Variants in GABRG3 observed in about 807,000 individuals in gnomAD.
The protein encoded by GABRG3 is gamma-aminobutyric acid type A receptor subunit gamma3.
In GABRG3, 25 loss-of-function variants were observed where a neutral mutation model predicts 48.8. That is an observed-to-expected ratio of 0.51 (90% CI 0.37 to 0.72). The LOEUF (loss-of-function observed/expected upper bound fraction) is 0.72. GABRG3 is among the 30% of genes least tolerant of loss of function. The pLI is 0.00. For missense variants in GABRG3, 394 were observed against 577.9 expected, an observed-to-expected ratio of 0.68 and a Z score of 3.26; for synonymous variants, 227 against 217.6, an observed-to-expected ratio of 1.04 and a Z score of -0.38.
At chr15:27,337,972 C>T (rs1439744719) in intron 5 of GABRG3, among the ~76,000 whole-genome samples, 3 of 152,168 alleles carry the variant, frequency 2.0e-5, no homozygotes, top group East Asian at 1.9e-4. Context: ...AGTGCAACGC[C>T]GTCTCTGAAT....
intron 3 of GABRG3, among the ~76,000 whole-genome samples, chr15:27,163,712 T>C (rs74004711): frequency 0.1 from 15,849 of 152,164 alleles, 1,552 homozygotes; most frequent in African/African-American, 0.26. Context: ...CTCTCTCTAA[T>C]TCTCCAGCCT....
chr15:27,081,856 G>T (rs1896998263), intron 3 of GABRG3, among the ~76,000 whole-genome samples: 1 of 152,230 alleles, frequency 6.6e-6, no homozygotes, highest in Non-Finnish European at 1.5e-5. Flanking sequence ...CAATAGAAAG[G>T]AGGCTCTTGG....
chr15:27,289,436 A>G (rs1277242714), intron 3 of GABRG3, among the ~76,000 whole-genome samples: 1 of 152,210 alleles, frequency 6.6e-6, no homozygotes, highest in African/African-American at 2.4e-5. Context: ...AAGTTGCCCT[A>G]TAATGAATGT....
chr15:27,198,493 A>G (rs1189903209), intron 3 of GABRG3, among the ~76,000 whole-genome samples: 1 of 152,246 alleles, frequency 6.6e-6, no homozygotes, highest in Non-Finnish European at 1.5e-5. Flanking sequence ...ATGTCAGGAA[A>G]TAATAGATGC....
chr15:27,087,719 G>A (rs1897102172), intron 3 of GABRG3, among the ~76,000 whole-genome samples: 1 of 151,948 alleles, frequency 6.6e-6, no homozygotes, highest in Non-Finnish European at 1.5e-5. Context: ...GTATGTGTGT[G>A]GTATGTACAT....
At chr15:27,008,976 AG>A (rs1237889662) in intron 2 of GABRG3, among the ~76,000 whole-genome samples, 1 of 152,096 alleles carries the variant, frequency 6.6e-6, no homozygotes, top group African/African-American at 2.4e-5. Context: ...GAAGAGAGGT[AG>A]GGGTGGGACG....
chr15:27,281,067 G>A (rs1891417488), intron 3 of GABRG3, among the ~76,000 whole-genome samples: 1 of 152,056 alleles, frequency 6.6e-6, no homozygotes, highest in Admixed American at 6.6e-5. Context: ...TTATTCTTAG[G>A]TAATGTTCCT....
chr15:27,343,691 T>TGAG (rs1894267854), intron 5 of GABRG3, among the ~76,000 whole-genome samples: 1 of 152,236 alleles, frequency 6.6e-6, no homozygotes, highest in Non-Finnish European at 1.5e-5. Flanking sequence ...AGCTCATTAA[T>TGAG]GAGGACATGT....
intron 3 of GABRG3, among the ~76,000 whole-genome samples, chr15:27,183,828 A>G (rs961140165): frequency 1.3e-4 from 20 of 152,168 alleles, no homozygotes; most frequent in African/African-American, 4.6e-4. Flanking sequence ...TGTGTTTTAA[A>G]TGCATATGTT....
chr15:27,006,018 T>C (rs139077004), intron 2 of GABRG3, among the ~76,000 whole-genome samples: 6 of 152,354 alleles, frequency 3.9e-5, no homozygotes, highest in Admixed American at 2.6e-4. Context: ...TTGAATGTAA[T>C]GAATAAGAGA....
chr15:27,367,323 C>G (rs947392628), intron 5 of GABRG3, among the ~76,000 whole-genome samples: 1 of 152,160 alleles, frequency 6.6e-6, no homozygotes, highest in Admixed American at 6.5e-5. Flanking sequence ...GGCCAACACA[C>G]CTCTTGACCT....
At chr15:27,303,180 TC>T (rs1171387325) in intron 3 of GABRG3, among the ~76,000 whole-genome samples, 1 of 150,786 alleles carries the variant, frequency 6.6e-6, no homozygotes, top group Non-Finnish European at 1.5e-5. Flanking sequence ...TGAAATCAAA[TC>T]TAATTCTGTG....
chr15:27,340,987 G>A (rs73365231), intron 5 of GABRG3: 18,230 of 511,408 alleles, frequency 0.036, 780 homozygotes, highest in South Asian at 0.097. Context: ...GTTTTGGAGG[G>A]AAAGAAGGGC....
intron 5 of GABRG3, chr15:27,366,005 A>G (rs1189349158): frequency 6.6e-6 from 1 of 152,196 alleles, no homozygotes; most frequent in Admixed American, 6.5e-5. Flanking sequence ...GTTCCCCTTT[A>G]TGGGAGTTCG....
intron 5 of GABRG3, among the ~76,000 whole-genome samples, chr15:27,332,446 A>G (rs2140522359): frequency 6.6e-6 from 1 of 152,258 alleles, no homozygotes; most frequent in African/African-American, 2.4e-5. Context: ...AGGCAGAAGA[A>G]TCGCTTGAAC....
At chr15:27,151,971 A>T (rs1477282880) in intron 3 of GABRG3, among the ~76,000 whole-genome samples, 1 of 152,184 alleles carries the variant, frequency 6.6e-6, no homozygotes, top group Non-Finnish European at 1.5e-5. Context: ...ACATCCTCTT[A>T]GCAAAGTTTT....
chr15:27,179,932 G>A lies in GABRG3; in HGVS notation c.271-146877G>A, dbSNP rs756356210. On this transcript the variant is annotated intron_variant, in intron 3 of 9. Transcript: ENST00000615808. The surrounding 1 kb of genome is among the most constrained non-coding windows in gnomAD (Gnocchi z 4.0). ...TTGTTCTCTTGATTCACAGTTCATCGCCTCCTAGATGAGGCTGGGCGTGGC... is the reference window on the plus strand; with the variant it reads ...TTGTTCTCTTGATTCACAGTTCATCACCTCCTAGATGAGGCTGGGCGTGGC... Among the ~76,000 whole-genome samples, 6 of 152,126 alleles carry A rather than the reference G, an allele frequency of 3.9e-5. No homozygotes were observed. Among genetic ancestry groups the A allele is most frequent in the East Asian group, 3.9e-4 (2 of 5,188 alleles).
intron 2 of GABRG3, among the ~76,000 whole-genome samples, chr15:26,996,185 T>C (rs1895336826): frequency 6.6e-6 from 1 of 152,184 alleles, no homozygotes. Flanking sequence ...ACAATCTATG[T>C]AATTATCTTT....
At chr15:27,012,764 G>A (rs778480480) in intron 2 of GABRG3, among the ~76,000 whole-genome samples, 14 of 152,052 alleles carry the variant, frequency 9.2e-5, no homozygotes, top group Non-Finnish European at 1.9e-4. Context: ...TTTAATCTCC[G>A]TTTCACGCAC....
Sources: gnomAD v4.1 joint callset for allele counts (sites outside exome capture counted in the v4.1 genomes callset) on GRCh38, gnomAD v4.1.1 for gene constraint, Gnocchi (gnomAD v3.1) non-coding constraint, MANE v1.5 for transcripts, NCBI Gene and HGNC (gene_info 2026-07-23, HGNC 2026-07-21) for gene names.